The following CAPN3 variants were observed in gnomAD, a reference collection of about 807,000 sequenced individuals.
The protein encoded by CAPN3 is calpain 3.
CAPN3 carries 88 observed loss-of-function variants against 114.0 expected under a neutral mutation model. That is an observed-to-expected ratio of 0.77 (90% confidence interval 0.65 to 0.92). CAPN3 has a LOEUF of 0.92. CAPN3 is among the 40% of genes least tolerant of loss of function. CAPN3 has a pLI of 0.00. For synonymous variants in CAPN3, 386 were observed against 382.9 expected, an observed-to-expected ratio of 1.01 and a Z score of -0.09; for missense variants, 1,028 against 1,069.0, an observed-to-expected ratio of 0.96 and a Z score of 0.53.
At chr15:42,392,934 T>G (rs2053600285) in intron 7 of CAPN3, among the ~76,000 whole-genome samples, 1 of 152,246 alleles carries the variant, frequency 6.6e-6, no homozygotes, top group African/African-American at 2.4e-5. Context: ...TTATCTTTGC[T>G]TTTCGTGCTA....
In CAPN3 at chr15:42,405,953, T is replaced by G; in HGVS notation, c.1800+10T>G. The G allele has an allele frequency of 6.2e-7, 1 of 1,610,600 alleles. No homozygotes were observed. The highest frequency in any genetic ancestry group is 1.1e-5 in the South Asian group (1 of 91,020). On this transcript the variant is annotated intron_variant, in intron 15 of 23. Coordinates refer to ENST00000397163, the MANE Select transcript of CAPN3 (RefSeq NM_000070.3). ...AAAGAAAAAAACCAAGGTAGGTGTG[T>G]GGGTAGAGAGCATGAAGTGTGTGTA...
intron 12 of CAPN3, 164 bp downstream of exon 12, chr15:42,402,299 C>G: frequency 5.7e-6 from 9 of 1,569,288 alleles, no homozygotes; most frequent in Non-Finnish European, 7.7e-6. Context: ...TGCCTCAGGG[C>G]ATTGCATGAC....
intron 15 of CAPN3, 34 bp from the exon 16 acceptor site, chr15:42,408,176 TC>T (rs2054080124): frequency 1.4e-6 from 2 of 1,424,790 alleles, no homozygotes; most frequent in Non-Finnish European, 2.0e-6. Flanking sequence ...ACTGTAATCC[TC>T]CCTTCCTTCC....
intron 2 of CAPN3, 55 bp downstream of exon 2, chr15:42,384,607 G>T: frequency 7.8e-6 from 10 of 1,286,172 alleles, no homozygotes; most frequent in South Asian, 1.2e-5. Context: ...TGATTACAAG[G>T]TGTGATCCCC....
At chr15:42,374,820 A>G (rs1384261692) in intron 1 of CAPN3, among the ~76,000 whole-genome samples, 14 of 68,844 alleles carry the variant, frequency 2.0e-4, no homozygotes, top group Non-Finnish European at 3.4e-4. Context: ...TTTTTTTTTG[A>G]GAGAGAGACT....
intron 10 of CAPN3, 37 bp downstream of exon 10, chr15:42,399,689 G>A (rs372681813): frequency 6.5e-6 from 10 of 1,546,034 alleles, no homozygotes; most frequent in South Asian, 5.9e-5. Context: ...GGTCTAAGCC[G>A]AAAAAGTTCC....
chr15:42,398,714 C>T (rs1245087414), intron 9 of CAPN3, among the ~76,000 whole-genome samples: 2 of 150,506 alleles, frequency 1.3e-5, no homozygotes, highest in African/African-American at 2.4e-5. Flanking sequence ...TATATATACA[C>T]ACACACACTA....
Position 42,412,259 on chromosome 15 carries a change from T to G in CAPN3, c.*486T>G. 1.5e-6 allele frequency: 2 copies of G among 1,377,074 alleles called. No homozygotes were observed. The highest frequency in any genetic ancestry group is 2.0e-6 in the Non-Finnish European group (2 of 1,010,396). 85.3% of individuals were successfully genotyped at this position (1,377,074 alleles called of 1,614,324 possible). A position where few individuals can be genotyped will look rare whatever the true frequency, so the allele number is the denominator to read the frequency against. On this transcript the variant is annotated 3_prime_UTR_variant, in exon 24 of 24. Transcript: ENST00000397163. ...TGGTTACTTTGGGCTGTCCAACTCATAAGTTTGGCTGCATTTTGAAAAAAG... is the reference window on the plus strand; with the variant it reads ...TGGTTACTTTGGGCTGTCCAACTCAGAAGTTTGGCTGCATTTTGAAAAAAG...
At chr15:42,406,288 C>T (rs764519896) in intron 15 of CAPN3, among the ~76,000 whole-genome samples, 7 of 152,044 alleles carry the variant, frequency 4.6e-5, no homozygotes, top group Non-Finnish European at 7.4e-5. Context: ...GGGGCAGAGC[C>T]AGTACTTAGA....
chr15:42,388,788 C>G, intron 4 of CAPN3, 140 bp from the exon 5 acceptor site: 1 of 800,980 alleles, frequency 1.2e-6, no homozygotes, highest in Non-Finnish European at 2.2e-6. Flanking sequence ...TTGTTTCCAT[C>G]CCATGAGCTC....
intron 1 of CAPN3, among the ~76,000 whole-genome samples, chr15:42,379,784 A>G (rs1480426283): frequency 6.6e-6 from 1 of 152,182 alleles, no homozygotes; most frequent in African/African-American, 2.4e-5. Flanking sequence ...TATTGTTAGC[A>G]TGATATATCC....
In CAPN3 at chr15:42,399,499, T is replaced by C; in HGVS notation, c.1201T>C (p.Tyr401His). ...VTEDGEFWMS[Y>H]EDFIYHFTKL... ...CTTCTTCCAACCTCTCAGGATGTCCTATGAGGATTTCATCTACCATTTCAC... is the reference window on the plus strand; with the variant it reads ...CTTCTTCCAACCTCTCAGGATGTCCCATGAGGATTTCATCTACCATTTCAC... The change falls in exon 10 of 24, where the codon TAT becomes CAT. Residue 401 changes from tyrosine (Y) to histidine (H), a missense_variant. Coordinates refer to ENST00000397163, the MANE Select transcript of CAPN3 (RefSeq NM_000070.3). 6.2e-7 allele frequency: 1 copy of C among 1,613,604 alleles called. No homozygotes were observed. Among genetic ancestry groups the C allele is most frequent in the Non-Finnish European group, 8.5e-7 (1 of 1,179,522 alleles).
chr15:42,390,152 C>A, intron 6 of CAPN3, 56 bp downstream of exon 6: 1 of 1,599,382 alleles, frequency 6.3e-7, no homozygotes, highest in Non-Finnish European at 8.6e-7. Flanking sequence ...CATGACCCCG[C>A]CCTATTAGTG....
At position 42,401,670 on chromosome 15, in the gene CAPN3, C is replaced by T; in HGVS notation, c.1384C>T (p.Leu462=). 6.2e-7 allele frequency: 1 copy of T among 1,614,208 alleles called. No individual in the cohort carries two copies. Among genetic ancestry groups the T allele is most frequent in the Non-Finnish European group, 8.5e-7 (1 of 1,180,040 alleles). Reference sequence around the variant, plus strand: ...TTTCTGGACCAACCCTCAGTACCGTCTGAAGCTCCTGGAGGAGGACGATGA... The same window carrying T: ...TTTCTGGACCAACCCTCAGTACCGTTTGAAGCTCCTGGAGGAGGACGATGA... ...DTFWTNPQYR[L]KLLEEDDDPD... The change falls in exon 11 of 24, where the codon CTG becomes TTG. Residue 462 remains leucine, a synonymous_variant. Transcript: ENST00000397163.
chr15:42,405,717 C>A (rs1177283235), intron 14 of CAPN3, among the ~76,000 whole-genome samples: 1 of 152,112 alleles, frequency 6.6e-6, no homozygotes, highest in Non-Finnish European at 1.5e-5. Context: ...TCAGAGCAGT[C>A]ACTGGTGTCT....
chr15:42,385,523 TACAC>T (rs750540050), intron 2 of CAPN3, among the ~76,000 whole-genome samples: 2 of 149,580 alleles, frequency 1.3e-5, no homozygotes, highest in Non-Finnish European at 1.5e-5. Context: ...TATATATATA[TACAC>T]ACACAGAGAG....
intron 6 of CAPN3, among the ~76,000 whole-genome samples, chr15:42,391,960 T>C (rs540041049): frequency 1.0e-3 from 155 of 152,000 alleles, no homozygotes; most frequent in African/African-American, 3.6e-3. Context: ...GGTCAGGAGT[T>C]CGAGACCAGC....
rs2053482697 is a variant in CAPN3 at position 42,389,026 on chromosome 15, C to T, written c.731C>T (p.Ala244Val). The change falls in exon 5 of 24, where the codon GCT becomes GTT. Residue 244 changes from alanine (A) to valine (V), a missense_variant. Ala to Val is a moderately conservative substitution (Grantham distance 64, BLOSUM62 0). Coordinates refer to ENST00000397163, the MANE Select transcript of CAPN3 (RefSeq NM_000070.3). ...GVAEFFEIRD[A>V]PSDMYKIMKK... Reference sequence around the variant, plus strand: ...GCAGAGTTTTTTGAGATCAGGGATGCTCCTAGTGACATGTACAAGATCATG... The same window carrying T: ...GCAGAGTTTTTTGAGATCAGGGATGTTCCTAGTGACATGTACAAGATCATG... 3 of 1,614,058 alleles carry T rather than the reference C, an allele frequency of 1.9e-6. No individual in the cohort carries two copies. The highest frequency in any genetic ancestry group is 1.7e-4 in the Middle Eastern group (1 of 6,060).
chr15:42,404,988 T>G (rs2053977778), intron 14 of CAPN3: 1 of 993,258 alleles, frequency 1.0e-6, no homozygotes, highest in Non-Finnish European at 1.2e-6. Context: ...GGGGTTTTGA[T>G]GTCCCTGCAC....
Sources: allele counts gnomAD v4.1 joint callset (sites outside exome capture counted in the v4.1 genomes callset), GRCh38; gene constraint gnomAD v4.1.1; transcripts MANE v1.5; gene names NCBI Gene and HGNC (gene_info 2026-07-23, HGNC 2026-07-21).